The following PTPRT variants were observed in gnomAD, a reference collection of about 807,000 sequenced individuals.
The protein encoded by PTPRT is receptor-type tyrosine-protein phosphatase T.
Under a neutral mutation model 176.8 loss-of-function variants are expected in PTPRT, and 56 were observed. The observed-to-expected ratio is 0.32, with a 90% confidence interval of 0.26 to 0.40. The LOEUF (loss-of-function observed/expected upper bound fraction) is 0.40, where lower values mean the gene tolerates loss of function less well. PTPRT is among the 10% of genes least tolerant of loss of function. The pLI is 1.00. For synonymous variants in PTPRT, 783 were observed against 739.0 expected (o/e 1.06, Z -0.96); for missense variants, 1,540 against 1,908.2 (o/e 0.81, Z 3.60).
At chr20:42,515,042 G>T (rs1359702924) in intron 7 of PTPRT, among the ~76,000 whole-genome samples, 1 of 152,120 alleles carries the variant, frequency 6.6e-6, no homozygotes, top group Non-Finnish European at 1.5e-5. Context: ...TCCACTGGGG[G>T]TTTTATCTTA....
At chr20:42,094,327 C>T (rs2146186911) in intron 27 of PTPRT, among the ~76,000 whole-genome samples, 1 of 150,140 alleles carries the variant, frequency 6.7e-6, no homozygotes, top group Admixed American at 6.7e-5. Context: ...GGGAATGTTC[C>T]AGAACTCTCT....
chr20:42,400,608 T>C (rs751148217), intron 9 of PTPRT, among the ~76,000 whole-genome samples: 4 of 151,360 alleles, frequency 2.6e-5, no homozygotes, highest in Non-Finnish European at 4.4e-5. Flanking sequence ...AGAGAGAGTA[T>C]GAAGGAACAT....
intron 9 of PTPRT, among the ~76,000 whole-genome samples, chr20:42,425,017 C>T (rs1179491723): frequency 1.3e-5 from 2 of 151,902 alleles, no homozygotes; most frequent in East Asian, 3.9e-4. Context: ...GAATTTACTG[C>T]TCAGCTAAAA....
chr20:42,436,021 G>C (rs1180626044), intron 9 of PTPRT, among the ~76,000 whole-genome samples: 2 of 152,084 alleles, frequency 1.3e-5, no homozygotes, highest in Admixed American at 1.3e-4. Flanking sequence ...ACTGTAAAAA[G>C]GACTTGGATA....
At chr20:42,611,901 G>T (rs576542783) in intron 7 of PTPRT, among the ~76,000 whole-genome samples, 3 of 152,208 alleles carry the variant, frequency 2.0e-5, no homozygotes, top group Middle Eastern at 6.8e-3. Context: ...GCTCTTGCCT[G>T]GTCCATCAAT....
chr20:42,613,170 C>T (rs548551131), intron 7 of PTPRT, among the ~76,000 whole-genome samples: 16 of 152,292 alleles, frequency 1.1e-4, no homozygotes, highest in East Asian at 3.9e-4. Flanking sequence ...TGGCAGACTG[C>T]GGCCAGTTGT....
intron 1 of PTPRT, among the ~76,000 whole-genome samples, chr20:43,138,701 T>C (rs947200): frequency 0.98 from 149,922 of 152,220 alleles, 73,874 homozygotes; most frequent in Middle Eastern, 1. Flanking sequence ...TACCCGGGGA[T>C]TCAGTCTAAG....
chr20:42,444,443 G>C (rs2059345671), intron 9 of PTPRT, among the ~76,000 whole-genome samples: 1 of 152,156 alleles, frequency 6.6e-6, no homozygotes, highest in Non-Finnish European at 1.5e-5. Flanking sequence ...AGACAGAATG[G>C]GACTTAAAGC....
At chr20:43,083,369 T>TATATATATATATAC (rs1568774368) in intron 1 of PTPRT, among the ~76,000 whole-genome samples, 1 of 110,242 alleles carries the variant, frequency 9.1e-6, no homozygotes, top group African/African-American at 4.0e-5. Flanking sequence ...TATATATATA[T>TATATATATATATAC]ACATTTTTTG....
At chr20:42,352,523 TTAAAA>T in intron 9 of PTPRT, among the ~76,000 whole-genome samples, 1 of 152,186 alleles carries the variant, frequency 6.6e-6, no homozygotes, top group South Asian at 2.1e-4. Context: ...GAGTTAAAAC[TTAAAA>T]TAATTGAACT....
At chr20:42,786,785 C>A (rs1419773437) in intron 3 of PTPRT, among the ~76,000 whole-genome samples, 2 of 152,166 alleles carry the variant, frequency 1.3e-5, no homozygotes, top group African/African-American at 2.4e-5. Context: ...TGCCCATGAG[C>A]TTTTAGAGAT....
At chr20:42,292,709 C>A (rs1227182427) in intron 12 of PTPRT, among the ~76,000 whole-genome samples, 1 of 152,130 alleles carries the variant, frequency 6.6e-6, no homozygotes, top group Admixed American at 6.6e-5. Context: ...GACAATGGGG[C>A]ACAGCTTTCT....
intron 13 of PTPRT, among the ~76,000 whole-genome samples, chr20:42,265,506 C>T (rs929600076): frequency 2.0e-5 from 3 of 152,140 alleles, no homozygotes; most frequent in South Asian, 4.2e-4. Context: ...TTCTTTTCAT[C>T]GTCTTATTGG....
rs370508724 is a variant in PTPRT at position 42,104,640 on chromosome 20, G to C, written c.3469C>G (p.Arg1157Gly). Residue 1157 changes from arginine (R) to glycine (G), a missense_variant, in exon 25 of 31, where the codon CGT (arginine) becomes GGT (glycine). Transcript: ENST00000373187. ...GNTAIPVCEF[R>G]SLYYNISRLD... ...CTGCTGATATTGTAGTAGAGAGAAC[G>C]GAACTCACACACAGGGATGGCAGTG... 6.2e-7 allele frequency: 1 copy of C among 1,604,318 alleles called. No homozygotes were observed. Among genetic ancestry groups the C allele is most frequent in the Non-Finnish European group, 8.5e-7 (1 of 1,171,258 alleles).
rs570297525 is a variant in PTPRT, at chr20:42,319,045, C to T, written c.1866-3049G>A. Among the ~76,000 whole-genome samples the T allele has an allele frequency of 7.6e-4, 116 of 152,306 alleles. 1 individual carries two copies. The highest frequency in any genetic ancestry group is 2.8e-3 in the African/African-American group (115 of 41,574). ...TCAAATGCTGCCAAGGACTATTAGACACAGCCATAATATCTCTGTGAGGGT... is the reference window on the plus strand; with the variant it reads ...TCAAATGCTGCCAAGGACTATTAGATACAGCCATAATATCTCTGTGAGGGT... On this transcript the variant is annotated intron_variant, in intron 11 of 30. Coordinates refer to ENST00000373187, the MANE Select transcript of PTPRT (RefSeq NM_007050.6).
chr20:42,117,273 T>G (rs920582886), intron 21 of PTPRT, among the ~76,000 whole-genome samples: 4 of 152,226 alleles, frequency 2.6e-5, no homozygotes, highest in Admixed American at 1.3e-4. Flanking sequence ...AGAATTCATC[T>G]TTATGAATTA....
intron 2 of PTPRT, among the ~76,000 whole-genome samples, chr20:42,801,886 G>T (rs2077536242): frequency 6.6e-6 from 1 of 152,140 alleles, no homozygotes; most frequent in Non-Finnish European, 1.5e-5. Context: ...GAATGCAAGT[G>T]CCTTAGAGAC....
At chr20:42,922,527 G>A (rs749372061) in intron 1 of PTPRT, among the ~76,000 whole-genome samples, 7 of 152,090 alleles carry the variant, frequency 4.6e-5, no homozygotes, top group East Asian at 1.9e-4. Context: ...AGCCAATATC[G>A]ACTACTCTTC....
chr20:42,490,120 T>C (rs533298783), intron 7 of PTPRT, among the ~76,000 whole-genome samples: 47 of 152,200 alleles, frequency 3.1e-4, no homozygotes, highest in Non-Finnish European at 4.1e-4. Flanking sequence ...ACAGCATGCA[T>C]TTTTATAGTT....
Sources: gnomAD v4.1 joint callset for allele counts (sites outside exome capture counted in the v4.1 genomes callset) on GRCh38, gnomAD v4.1.1 for gene constraint, MANE v1.5 for transcripts, NCBI Gene and HGNC (gene_info 2026-07-23, HGNC 2026-07-21) for gene names.